The following TLE3 variants were observed in gnomAD, a reference collection of about 807,000 sequenced individuals.
TLE3 encodes transducin-like enhancer protein 3.
Under a neutral mutation model 93.0 loss-of-function variants are expected in TLE3, and 14 were observed. The ratio of observed to expected loss-of-function variants is 0.15; its 90% confidence interval spans 0.10 to 0.24. TLE3 has a LOEUF of 0.24. TLE3 is among the 10% of genes least tolerant of loss of function. The probability of loss-of-function intolerance (pLI) is 1.00; values close to 1 mark genes in which losing one functional copy is unlikely to be tolerated. For synonymous variants in TLE3, 451 were observed against 425.0 expected, an observed-to-expected ratio of 1.06 and a Z score of -0.75; for missense variants, 693 against 1,046.6, an observed-to-expected ratio of 0.66 and a Z score of 4.66.
intron 17 of TLE3, 47 bp from the exon 18 acceptor site, chr15:70,052,571 C>A (rs992688609): frequency 4.4e-6 from 7 of 1,585,408 alleles, no homozygotes; most frequent in Non-Finnish European, 6.0e-6. Context: ...CATTCTCTGC[C>A]CTCAAGAGGA....
At chr15:70,080,929 C>T (rs531007693) in intron 4 of TLE3, among the ~76,000 whole-genome samples, 8 of 152,238 alleles carry the variant, frequency 5.3e-5, no homozygotes, top group South Asian at 4.1e-4. Context: ...TCCAACACAC[C>T]GTCGAGAGCT....
In TLE3 at chr15:70,095,915, G is replaced by A. The variant is rs117569265; in HGVS notation, c.125+246C>T. The A allele has an allele frequency of 9.4e-4, 594 of 634,000 alleles. 4 individuals carry two copies. In the East Asian group the frequency reaches 0.016, roughly 17 times the overall value. 39.3% of individuals were successfully genotyped at this position (634,000 alleles called of 1,614,324 possible). ...TGGCTCCCGACACCCAGAACCCGGA[G>A]TGAACCCGCTCGCCGCGACCTAGAC... On this transcript the variant is annotated intron_variant, in intron 2 of 19. Coordinates refer to ENST00000451782, the MANE Select transcript of TLE3 (RefSeq NM_001105192.3).
intron 4 of TLE3, among the ~76,000 whole-genome samples, chr15:70,076,745 C>T (rs1567030411): frequency 6.6e-6 from 1 of 151,976 alleles, no homozygotes; most frequent in Non-Finnish European, 1.5e-5. Context: ...CCCATTAAGA[C>T]AGGGTCTCAC....
chr15:70,066,242 A>G, intron 6 of TLE3, 24 bp from the exon 7 acceptor site: 5 of 1,490,736 alleles, frequency 3.4e-6, no homozygotes, highest in Non-Finnish European at 4.5e-6. Context: ...GGTGGTGAGT[A>G]CAGCTGAGTT....
rs183572514 is a variant in TLE3 at position 70,056,744 on chromosome 15, G to A, written c.1252-370C>T. ...CTCCTGAAAAAGGGCCCCTCTCCCC[G>A]CCAACCCTAACTCTTCTTTTTATTT... On this transcript the variant is annotated intron_variant, in intron 13 of 19. Transcript: ENST00000451782. Among the ~76,000 whole-genome samples, 570 of 152,240 alleles carry A rather than the reference G, an allele frequency of 3.7e-3. 3 individuals carry two copies. Among genetic ancestry groups the A allele is most frequent in the Non-Finnish European group, 5.7e-3 (387 of 68,004 alleles).
intron 6 of TLE3, among the ~76,000 whole-genome samples, chr15:70,071,570 C>T (rs371054272): frequency 3.3e-5 from 5 of 152,260 alleles, no homozygotes; most frequent in African/African-American, 9.6e-5. Context: ...TGAGTTGAGC[C>T]GAGCCACAAC....
At chr15:70,072,223 A>G (rs17686675) in intron 6 of TLE3, among the ~76,000 whole-genome samples, 57,142 of 152,078 alleles carry the variant, frequency 0.38, 11,916 homozygotes, top group Middle Eastern at 0.6. Context: ...CCTGAATACT[A>G]CTTAAGGGAA....
chr15:70,096,012 G>T, intron 2 of TLE3, 149 bp downstream of exon 2: 1 of 971,286 alleles, frequency 1.0e-6, no homozygotes, highest in Non-Finnish European at 1.5e-6. Flanking sequence ...AAGGCGGCGC[G>T]CTCGGAAAGG....
intron 17 of TLE3, chr15:70,052,948 C>A (rs756381038): frequency 4.7e-6 from 2 of 424,864 alleles, no homozygotes; most frequent in Non-Finnish European, 8.5e-6. Context: ...ACTATTATTT[C>A]CATCTTGTGA....
chr15:70,094,692 A>G (rs1015259757), intron 3 of TLE3, 116 bp from the exon 4 acceptor site: 1 of 781,854 alleles, frequency 1.3e-6, no homozygotes, highest in Non-Finnish European at 2.1e-6. Flanking sequence ...ACATTTGCTA[A>G]AGAAGTTTAA....
At chr15:70,092,441 G>A (rs893114079) in intron 4 of TLE3, among the ~76,000 whole-genome samples, 1 of 152,238 alleles carries the variant, frequency 6.6e-6, no homozygotes, top group Non-Finnish European at 1.5e-5. Flanking sequence ...TGAGTGGCAA[G>A]CAAGGTAAAG....
Position 70,058,844 on chromosome 15 carries a change from C to CAG in TLE3, c.766-30_766-29insCT. 1 of 1,525,794 alleles carries CAG rather than the reference C, an allele frequency of 6.6e-7. No individual in the cohort carries two copies. The highest frequency in any genetic ancestry group is 1.3e-5 in the South Asian group (1 of 77,274). The allele number at this position is 1,525,794 out of a possible 1,614,324, so 94.5% of individuals were successfully genotyped here. A position where few individuals can be genotyped will look rare whatever the true frequency, so the allele number is the denominator to read the frequency against. On this transcript the variant is annotated intron_variant, in intron 10 of 19. Transcript: ENST00000451782. This position sits in a 1 kb window ranked among gnomAD's most constrained non-coding sequence, Gnocchi z 4.1. ...AAAACACAAGTGATGCAGAGATGCA[C>CAG]TGAAAGCAACAGCCAGCCTCGAGGC...
chr15:70,069,323 C>T (rs905431201), intron 6 of TLE3, among the ~76,000 whole-genome samples: 6 of 152,192 alleles, frequency 3.9e-5, no homozygotes, highest in East Asian at 1.9e-4. Context: ...GGACAGGAAG[C>T]ATCAATGGGG....
chr15:70,064,447 C>A lies in TLE3; in HGVS notation c.594+7G>T. On this transcript the variant is annotated splice_region_variant and intron_variant, in intron 8 of 19. Coordinates refer to ENST00000451782, the MANE Select transcript of TLE3 (RefSeq NM_001105192.3). ...ACCCCTCCGGGTTCCAGAGTGCCAACACTTACCGCACTGGATTCTCTCTCT... is the reference window on the plus strand; with the variant it reads ...ACCCCTCCGGGTTCCAGAGTGCCAAAACTTACCGCACTGGATTCTCTCTCT... The A allele has an allele frequency of 6.2e-7, 1 of 1,613,920 alleles. No homozygotes were observed. The highest frequency in any genetic ancestry group is 1.3e-5 in the African/African-American group (1 of 75,058).
chr15:70,092,150 G>C (rs1277762704), intron 4 of TLE3, among the ~76,000 whole-genome samples: 1 of 152,234 alleles, frequency 6.6e-6, no homozygotes, highest in Non-Finnish European at 1.5e-5. Flanking sequence ...TGATAAACTT[G>C]TTTGCTCAGG....
chr15:70,057,075 C>A (rs908355111), intron 13 of TLE3, among the ~76,000 whole-genome samples: 2 of 152,204 alleles, frequency 1.3e-5, no homozygotes, highest in Non-Finnish European at 2.9e-5. Flanking sequence ...TATTTATTCA[C>A]CACAATAGAA....
chr15:70,097,859 A>T lies in TLE3; in HGVS notation c.-1061T>A. On this transcript the variant is annotated 5_prime_UTR_variant, in exon 1 of 20. Coordinates refer to ENST00000451782, the MANE Select transcript of TLE3 (RefSeq NM_001105192.3). ...GGACCTACGGATACCACACACAGAC[A>T]GGCGAAGGGGACGAGCACGAGGTCT... The T allele has an allele frequency of 3.0e-6, 1 of 332,496 alleles. No individual in the cohort carries two copies. The highest frequency in any genetic ancestry group is 5.4e-6 in the Non-Finnish European group (1 of 184,306). The allele number at this position is 332,496 out of a possible 1,614,324, so 20.6% of individuals were successfully genotyped here.
At chr15:70,068,697 T>C (rs1446550593) in intron 6 of TLE3, among the ~76,000 whole-genome samples, 2 of 152,206 alleles carry the variant, frequency 1.3e-5, no homozygotes, top group Non-Finnish European at 2.9e-5. Context: ...AAATGTGCAC[T>C]GAACATTTGT....
intron 6 of TLE3, chr15:70,066,715 A>G (rs2056838658): frequency 6.1e-6 from 1 of 164,968 alleles, no homozygotes; most frequent in Non-Finnish European, 1.3e-5. Context: ...CTTACAGAGC[A>G]GGGGCAGGGC....
Sources: gnomAD v4.1 joint callset for allele counts (sites outside exome capture counted in the v4.1 genomes callset) on GRCh38, gnomAD v4.1.1 for gene constraint, Gnocchi (gnomAD v3.1) non-coding constraint, MANE v1.5 for transcripts, NCBI Gene and HGNC (gene_info 2026-07-23, HGNC 2026-07-21) for gene names.